The following KLF3 variants were observed in gnomAD, a reference collection of about 807,000 sequenced individuals.
The protein encoded by KLF3 is KLF transcription factor 3, also known as Krueppel-like factor 3.
KLF3 carries 6 observed loss-of-function variants against 32.7 expected under a neutral mutation model. The observed-to-expected ratio is 0.18, with a 90% confidence interval of 0.10 to 0.36. The LOEUF (loss-of-function observed/expected upper bound fraction) is 0.36, where lower values mean the gene tolerates loss of function less well. KLF3 is among the 10% of genes least tolerant of loss of function. KLF3 has a pLI of 1.00. For missense variants in KLF3, 338 were observed against 449.7 expected, an observed-to-expected ratio of 0.75 and a Z score of 2.25; for synonymous variants, 145 against 172.8, an observed-to-expected ratio of 0.84 and a Z score of 1.26.
rs1296656520 is a variant in KLF3, at chr4:38,680,681, T to G, written c.56T>G (p.Val19Gly). 1.2e-6 allele frequency: 2 copies of G among 1,611,184 alleles called. No individual in the cohort carries two copies. Among genetic ancestry groups the G allele is most frequent in the African/African-American group, 1.3e-5 (1 of 74,830 alleles). The part of the protein sequence containing the change: ...VKQEAMDPVS[V>G]SYPSNYMESM... ...CAAGAGGCCATGGACCCTGTCTCAG[T>G]GGTAAGTTTTCCAAGATTGAACACC... The change falls in exon 2 of 6, where the codon GTG becomes GGG. Residue 19 changes from valine to glycine, a missense_variant and splice_region_variant. Coordinates refer to ENST00000261438, the MANE Select transcript of KLF3 (RefSeq NM_016531.6).
intron 4 of KLF3, among the ~76,000 whole-genome samples, chr4:38,693,830 C>T (rs1468721220): frequency 6.6e-6 from 1 of 152,154 alleles, no homozygotes; most frequent in Non-Finnish European, 1.5e-5. Flanking sequence ...AGACTTTTCC[C>T]AGCTCTTCCT....
intron 2 of KLF3, among the ~76,000 whole-genome samples, chr4:38,682,474 A>G (rs985136607): frequency 6.6e-6 from 1 of 152,248 alleles, no homozygotes. Flanking sequence ...AAATTTCCCC[A>G]TTAGTTATAT....
At chr4:38,693,117 CATATATAT>C (rs3841982) in intron 4 of KLF3, among the ~76,000 whole-genome samples, 6 of 137,970 alleles carry the variant, frequency 4.3e-5, no homozygotes, top group Admixed American at 3.7e-4. Context: ...CATATATATA[CATATATAT>C]ATACGTGTAT....
rs539458018 is a variant in KLF3, at chr4:38,699,381, T to C, written c.*2118T>C. 3 of 152,340 alleles carry C rather than the reference T, an allele frequency of 2.0e-5. No individual in the cohort carries two copies. The highest frequency in any genetic ancestry group is 2.0e-4 in the Admixed American group (3 of 15,310). The allele number at this position is 152,340 out of a possible 1,614,324, so 9.4% of individuals were successfully genotyped here. A position where few individuals can be genotyped will look rare whatever the true frequency, so the allele number is the denominator to read the frequency against. On this transcript the variant is annotated 3_prime_UTR_variant, in exon 6 of 6. Coordinates refer to ENST00000261438, the MANE Select transcript of KLF3 (RefSeq NM_016531.6). Reference sequence around the variant, plus strand: ...TATTGTAAATGCTTAGTCATATTCATGGCAAAGTGTTCATTTCTTGAGATG... The same window carrying C: ...TATTGTAAATGCTTAGTCATATTCACGGCAAAGTGTTCATTTCTTGAGATG...
In KLF3 at chr4:38,688,467, C is replaced by A; in HGVS notation, c.58-118C>A. 2 of 1,028,588 alleles carry A rather than the reference C, an allele frequency of 1.9e-6. No individual in the cohort carries two copies. The highest frequency in any genetic ancestry group is 2.8e-6 in the Non-Finnish European group (2 of 707,236). The allele number at this position is 1,028,588 out of a possible 1,614,324, so 63.7% of individuals were successfully genotyped here. ...GGTCACATATATATCGAAATCTAAA[C>A]TATTTTGTAAAGCCCATGTAATTGT... is the stretch of plus-strand genomic sequence containing the variant. On this transcript the variant is annotated intron_variant, in intron 2 of 5. Transcript: ENST00000261438. This position sits in a 1 kb window ranked among gnomAD's most constrained non-coding sequence, Gnocchi z 4.9.
chr4:38,696,383 C>G (rs1410259781), intron 5 of KLF3, among the ~76,000 whole-genome samples: 2 of 151,926 alleles, frequency 1.3e-5, no homozygotes, highest in Non-Finnish European at 2.9e-5. Flanking sequence ...GGTAAGATTG[C>G]CATAACAGCC....
chr4:38,672,133 T>C (rs138501171), intron 1 of KLF3, among the ~76,000 whole-genome samples: 1 of 152,300 alleles, frequency 6.6e-6, no homozygotes, highest in African/African-American at 2.4e-5. Flanking sequence ...AGGTCTCCCT[T>C]AGAGTTAGGC....
chr4:38,682,219 C>T (rs1225298877), intron 2 of KLF3, among the ~76,000 whole-genome samples: 8 of 152,256 alleles, frequency 5.3e-5, no homozygotes, highest in African/African-American at 1.2e-4. Flanking sequence ...CCACCACGCC[C>T]GGCTAATTTT....
intron 1 of KLF3, among the ~76,000 whole-genome samples, chr4:38,680,074 A>T (rs1030214880): frequency 4.6e-5 from 7 of 152,298 alleles, no homozygotes; most frequent in African/African-American, 1.7e-4. Flanking sequence ...TCATCTGGTT[A>T]TGACCATGGA....
chr4:38,677,934 G>A (rs1722402659), intron 1 of KLF3, among the ~76,000 whole-genome samples: 1 of 149,452 alleles, frequency 6.7e-6, no homozygotes, highest in Admixed American at 6.8e-5. Flanking sequence ...TCACTTGATA[G>A]ACCTAAATCC....
intron 4 of KLF3, 147 bp downstream of exon 4, chr4:38,690,026 G>T: frequency 1.6e-6 from 1 of 627,606 alleles, no homozygotes; most frequent in Non-Finnish European, 2.7e-6. Flanking sequence ...CAGTACCACT[G>T]GTCAAGATGG....
chr4:38,693,934 G>C (rs1195100348), intron 4 of KLF3, among the ~76,000 whole-genome samples: 1 of 152,178 alleles, frequency 6.6e-6, no homozygotes, highest in African/African-American at 2.4e-5. Context: ...ACCCAGGGAA[G>C]GTGCAAACTC....
chr4:38,673,840 C>T (rs1722268048), intron 1 of KLF3, among the ~76,000 whole-genome samples: 2 of 152,060 alleles, frequency 1.3e-5, no homozygotes, highest in Admixed American at 1.3e-4. Flanking sequence ...AAGCCATGTC[C>T]TGTTTGGACA....
chr4:38,680,629 C>T lies in KLF3; in HGVS notation c.4C>T (p.Leu2Phe). The change falls in exon 2 of 6, where the codon CTC (leucine) becomes TTC (phenylalanine). Residue 2 changes from leucine (L) to phenylalanine (F), a missense_variant. Leu to Phe is a conservative substitution (Grantham distance 22). Coordinates refer to ENST00000261438, the MANE Select transcript of KLF3 (RefSeq NM_016531.6). ...CCTAGAAGGTTTAACTAAAAGAATG[C>T]TCATGTTTGACCCAGTTCCTGTCAA... The part of the protein sequence containing the change: M[L>F]MFDPVPVKQE... The T allele has an allele frequency of 1.2e-6, 2 of 1,613,304 alleles. No homozygotes were observed. Among genetic ancestry groups the T allele is most frequent in the Non-Finnish European group, 1.7e-6 (2 of 1,179,244 alleles).
chr4:38,665,549 C>A (rs1722005884), intron 1 of KLF3, among the ~76,000 whole-genome samples: 1 of 152,176 alleles, frequency 6.6e-6, no homozygotes, highest in African/African-American at 2.4e-5. Context: ...GGAAATTGCT[C>A]ACCTTCTTGT....
Position 38,674,938 on chromosome 4 carries a change from C to T in KLF3, c.-39-5649C>T, listed in dbSNP as rs1282455444. Among the ~76,000 whole-genome samples, 1 of 152,142 alleles carries T rather than the reference C, an allele frequency of 6.6e-6. No individual in the cohort carries two copies. The highest frequency in any genetic ancestry group is 2.4e-5 in the African/African-American group (1 of 41,412). ...AGGAGGTTTAGTAACCCCCTAACCT[C>T]GTCTTCCATGAAGGACTGTGTGTGT... On this transcript the variant is annotated intron_variant, in intron 1 of 5. Transcript: ENST00000261438. This position sits in a 1 kb window ranked among gnomAD's most constrained non-coding sequence, Gnocchi z 4.1.
intron 2 of KLF3, among the ~76,000 whole-genome samples, chr4:38,682,959 A>T (rs971774329): frequency 1.3e-5 from 2 of 151,604 alleles, no homozygotes; most frequent in African/African-American, 2.4e-5. Flanking sequence ...AGCAGGAAGT[A>T]TTTTTTTCTT....
chr4:38,689,051 A>C lies in KLF3; in HGVS notation c.524A>C (p.Asn175Thr). 1 of 1,613,496 alleles carries C rather than the reference A, an allele frequency of 6.2e-7. No individual in the cohort carries two copies. The highest frequency in any genetic ancestry group is 8.5e-7 in the Non-Finnish European group (1 of 1,179,446). ...LMVSLSEEME[N>T]SSSSMQVPVI... is the part of the protein sequence containing the mutation. ...GTCTCCTTATCGGAGGAGATGGAAA[A>C]TTCCAGTAGTAGCATGCAAGGTAAA... The change falls in exon 3 of 6, where the codon AAT (asparagine) becomes ACT (threonine). Residue 175 changes from asparagine to threonine, a missense_variant. Asn to Thr is a moderately conservative substitution (Grantham distance 65). Transcript: ENST00000261438.
intron 1 of KLF3, among the ~76,000 whole-genome samples, chr4:38,673,546 C>T (rs1029608786): frequency 1.3e-5 from 2 of 152,182 alleles, no homozygotes; most frequent in African/African-American, 4.8e-5. Context: ...ACAAAATTGT[C>T]AGAGAGCATA....
Sources: allele counts gnomAD v4.1 joint callset (sites outside exome capture counted in the v4.1 genomes callset), GRCh38; gene constraint gnomAD v4.1.1; non-coding constraint Gnocchi (gnomAD v3.1); transcripts MANE v1.5; gene names NCBI Gene and HGNC (gene_info 2026-07-23, HGNC 2026-07-21).